MED13L: variants seen among roughly 807,000 people sequenced by gnomAD.
MED13L encodes mediator complex subunit 13L.
A neutral mutation model predicts 220.9 loss-of-function variants in MED13L; 7 were observed. That is an observed-to-expected ratio of 0.03 (90% CI 0.02 to 0.06). The LOEUF is 0.06. MED13L is among the 10% of genes least tolerant of loss of function. The pLI, the probability that MED13L is intolerant of heterozygous loss-of-function variation, is 1.00. For missense variants in MED13L, 1,965 were observed against 2,760.5 expected (o/e 0.71, Z 6.46); for synonymous variants, 1,011 against 1,015.2 (o/e 1.00, Z 0.08).
intron 2 of MED13L, among the ~76,000 whole-genome samples, chr12:116,204,734 T>C (rs987599713): frequency 6.6e-6 from 1 of 152,196 alleles, no homozygotes; most frequent in Non-Finnish European, 1.5e-5. Context: ...GCTCCTGCCC[T>C]TTATCCTAAA....
In MED13L at chr12:116,166,538, T is replaced by G. The variant is rs547714729; in HGVS notation, c.311-55026A>C. ...CGCTGAGGCTGCAGTGAGCCAAGAT[T>G]GCAATGCTGCATTCCAGCCTGGGCA... On this transcript the variant is annotated intron_variant, in intron 2 of 30. Coordinates refer to ENST00000281928, the MANE Select transcript of MED13L (RefSeq NM_015335.5). 3.1e-4 allele frequency among the ~76,000 whole-genome samples: 47 copies of G among 152,034 alleles called. 1 individual carries two copies. The highest frequency in any genetic ancestry group is 1.1e-3 in the African/African-American group (45 of 41,466).
chr12:116,155,896 G>A (rs564663023), intron 2 of MED13L, among the ~76,000 whole-genome samples: 40 of 151,992 alleles, frequency 2.6e-4, no homozygotes, highest in Non-Finnish European at 5.1e-4. Flanking sequence ...ATAATTATAG[G>A]ACCAGTATGT....
At chr12:116,172,283 T>A (rs148923541) in intron 2 of MED13L, among the ~76,000 whole-genome samples, 52 of 152,166 alleles carry the variant, frequency 3.4e-4, no homozygotes, top group Non-Finnish European at 6.2e-4. Context: ...TTTCCGGATG[T>A]AAAAAATTCA....
intron 16 of MED13L, 146 bp downstream of exon 16, chr12:115,996,330 G>C: frequency 1.2e-6 from 1 of 854,020 alleles, no homozygotes; most frequent in South Asian, 1.4e-5. Flanking sequence ...GACCTCAAGT[G>C]ATCTGCCCGC....
chr12:115,962,417 T>C (rs974508426), intron 30 of MED13L, among the ~76,000 whole-genome samples: 3 of 152,198 alleles, frequency 2.0e-5, no homozygotes, highest in African/African-American at 7.2e-5. Flanking sequence ...CAGGCTGTAA[T>C]GCTCGCTCAC....
At chr12:116,107,440 T>C (rs1396924537) in intron 3 of MED13L, among the ~76,000 whole-genome samples, 1 of 152,218 alleles carries the variant, frequency 6.6e-6, no homozygotes, top group Non-Finnish European at 1.5e-5. Flanking sequence ...TAAGATTACC[T>C]CAGCACCAAT....
chr12:116,098,935 G>C, intron 3 of MED13L, among the ~76,000 whole-genome samples: 1 of 152,094 alleles, frequency 6.6e-6, no homozygotes, highest in Non-Finnish European at 1.5e-5. Context: ...ATTTTTATTA[G>C]AGTACATATA....
At chr12:116,134,953 A>C (rs1318930744) in intron 2 of MED13L, among the ~76,000 whole-genome samples, 1 of 152,122 alleles carries the variant, frequency 6.6e-6, no homozygotes, top group Non-Finnish European at 1.5e-5. Context: ...GCGGATCACG[A>C]GGTCAGGAGA....
intron 2 of MED13L, among the ~76,000 whole-genome samples, chr12:116,223,898 C>G (rs1868689508): frequency 6.6e-6 from 1 of 152,120 alleles, no homozygotes; most frequent in Admixed American, 6.5e-5. Flanking sequence ...ACCAGGAAGT[C>G]TTCCTAGCAT....
At chr12:116,134,450 G>T (rs142456865) in intron 2 of MED13L, among the ~76,000 whole-genome samples, 6 of 152,008 alleles carry the variant, frequency 3.9e-5, no homozygotes, top group African/African-American at 1.2e-4. Flanking sequence ...GTACTAGGAC[G>T]GTCTCAGCGG....
chr12:115,998,870 A>G (rs918622940), intron 14 of MED13L, among the ~76,000 whole-genome samples: 28 of 152,322 alleles, frequency 1.8e-4, no homozygotes, highest in African/African-American at 5.8e-4. Flanking sequence ...TCATTATACA[A>G]AAAAGTACCT....
At chr12:116,119,809 TAAAAAAAAA>T (rs57622950) in intron 2 of MED13L, among the ~76,000 whole-genome samples, 502 of 38,780 alleles carry the variant, frequency 0.013, 7 homozygotes, top group South Asian at 0.078. Context: ...CCCATATCTT[TAAAAAAAAA>T]AAAAAAAAAA....
intron 9 of MED13L, among the ~76,000 whole-genome samples, chr12:116,010,718 G>C (rs1460659261): frequency 2.0e-5 from 3 of 152,018 alleles, no homozygotes; most frequent in African/African-American, 7.2e-5. Flanking sequence ...AACAAGGAAA[G>C]GAGAAGGATT....
intron 1 of MED13L, among the ~76,000 whole-genome samples, chr12:116,262,111 TA>T (rs978312938): frequency 1.3e-5 from 2 of 152,132 alleles, no homozygotes; most frequent in African/African-American, 4.8e-5. Context: ...TTCTACCTAT[TA>T]AAAAATAGGT....
chr12:116,015,116 G>C lies in MED13L; in HGVS notation c.1168C>G (p.Gln390Glu), dbSNP rs968874748. 1.9e-6 allele frequency: 3 copies of C among 1,613,412 alleles called. No individual in the cohort carries two copies. Among genetic ancestry groups the C allele is most frequent in the Non-Finnish European group, 2.5e-6 (3 of 1,179,430 alleles). The change falls in exon 8 of 31, where the codon CAG (glutamine) becomes GAG (glutamate). Residue 390 changes from glutamine (Q) to glutamate (E), a missense_variant. Around this residue, in one of 10 missense-constraint regions of MED13L, gnomAD observed 818 missense variants for 1,041.2 expected, o/e 0.79. Transcript: ENST00000281928. ...VWKECILNRT[Q>E]SKRSQMSTPT... The stretch of plus-strand genomic sequence containing the variant: ...ATAATCGAGAAAACTTACTTGGACT[G>C]GGTTCTGTTGAGGATGCATTCCTTC...
At chr12:115,972,602 T>C in intron 25 of MED13L, 1 of 327,632 alleles carries the variant, frequency 3.1e-6, no homozygotes, top group Admixed American at 4.1e-5. Context: ...TCCGATTCTT[T>C]CAGTACTCTG....
intron 2 of MED13L, among the ~76,000 whole-genome samples, chr12:116,191,708 C>T (rs1881296984): frequency 6.6e-6 from 1 of 151,824 alleles, no homozygotes; most frequent in African/African-American, 2.4e-5. Context: ...TTGCCAGGCC[C>T]GGTGGCTCAC....
chr12:116,255,362 T>C (rs1871950950), intron 1 of MED13L, among the ~76,000 whole-genome samples: 1 of 152,206 alleles, frequency 6.6e-6, no homozygotes, highest in Non-Finnish European at 1.5e-5. Context: ...CCTCGCACCA[T>C]GTAAATTAAC....
chr12:116,241,356 A>C (rs1160931207), intron 1 of MED13L, among the ~76,000 whole-genome samples: 1 of 151,894 alleles, frequency 6.6e-6, no homozygotes, highest in Non-Finnish European at 1.5e-5. Context: ...ACACACACAC[A>C]CACACAATAA....
Sources: gnomAD v4.1 joint callset for allele counts (sites outside exome capture counted in the v4.1 genomes callset) on GRCh38, gnomAD v4.1.1 for gene constraint, gnomAD v4.1.1 regional missense constraint, MANE v1.5 for transcripts, NCBI Gene and HGNC (gene_info 2026-07-23, HGNC 2026-07-21) for gene names.